MEIG1: variants seen among roughly 807,000 people sequenced by gnomAD.
MEIG1 encodes the protein meiosis/spermiogenesis associated 1.
Under a neutral mutation model 11.3 loss-of-function variants are expected in MEIG1, and 12 were observed. The observed-to-expected ratio is 1.07, with a 90% CI of 0.68 to 1.73. The LOEUF is 1.73. Among genes scored for constraint, MEIG1 ranks in the 40% most tolerant of loss-of-function variants. MEIG1 has a pLI of 0.00. For missense variants in MEIG1, 119 were observed against 104.9 expected (o/e 1.13, Z -0.59); for synonymous variants, 41 against 33.2 (o/e 1.24, Z -0.81).
At chr10:14,983,241 C>A (rs1353619570) in intron 1 of MEIG1, among the ~76,000 whole-genome samples, 2 of 152,054 alleles carry the variant, frequency 1.3e-5, no homozygotes, top group East Asian at 1.9e-4. Flanking sequence ...GGGTGTGCAT[C>A]CACCCGGTGA....
chr10:14,985,229 T>G (rs1454224084), intron 1 of MEIG1, among the ~76,000 whole-genome samples: 1 of 151,994 alleles, frequency 6.6e-6, no homozygotes, highest in Non-Finnish European at 1.5e-5. Flanking sequence ...TTCGTAATAT[T>G]CTAGGGAAAT....
At chr10:14,980,704 G>C (rs369039437) in intron 1 of MEIG1, among the ~76,000 whole-genome samples, 88 of 152,200 alleles carry the variant, frequency 5.8e-4, no homozygotes, top group African/African-American at 1.9e-3. Flanking sequence ...TGGAGGTCTC[G>C]AGCCAACGCC....
chr10:14,972,385 C>G, intron 2 of MEIG1, 128 bp from the exon 3 acceptor site: 1 of 1,235,262 alleles, frequency 8.1e-7, no homozygotes, highest in South Asian at 1.3e-5. Context: ...TTTAAAAGCT[C>G]AAGCATTCTA....
chr10:14,966,422 T>A lies in MEIG1; in HGVS notation c.-29-18T>A. The A allele has an allele frequency of 6.5e-7, 1 of 1,538,028 alleles. No individual in the cohort carries two copies. The highest frequency in any genetic ancestry group is 8.8e-7 in the Non-Finnish European group (1 of 1,139,644). On this transcript the variant is annotated intron_variant, in intron 1 of 2. Coordinates refer to ENST00000407572, the MANE Select transcript of MEIG1 (RefSeq NM_001080836.3). Reference sequence around the variant, plus strand: ...TCACTATTACATTATCCATTAATGTTGTTTTAACATCTTTCAGATATTATT... The same window carrying A: ...TCACTATTACATTATCCATTAATGTAGTTTTAACATCTTTCAGATATTATT...
upstream of MEIG1, among the ~76,000 whole-genome samples, chr10:14,956,472 C>G (rs1282662567): frequency 6.6e-6 from 1 of 151,974 alleles, no homozygotes; most frequent in Non-Finnish European, 1.5e-5. Flanking sequence ...ATCCCAGCTA[C>G]TCAGGAGGCT....
chr10:14,969,026 C>T (rs745880684), intron 2 of MEIG1, among the ~76,000 whole-genome samples: 1 of 151,886 alleles, frequency 6.6e-6, no homozygotes, highest in Non-Finnish European at 1.5e-5. Context: ...TGTAGTGAGC[C>T]GAGATCACGC....
At chr10:14,987,362 G>C in intron 2 of MEIG1, 2 of 783,130 alleles carry the variant, frequency 2.6e-6, no homozygotes, top group Non-Finnish European at 4.6e-6. Context: ...GGACAGCAAA[G>C]CGAGGACAGG....
chr10:14,986,553 T>C (rs1891331), intron 1 of MEIG1, among the ~76,000 whole-genome samples: 103,812 of 152,014 alleles, frequency 0.68, 37,235 homozygotes, highest in African/African-American at 0.92. Flanking sequence ...CCCCATCCCA[T>C]CCCTTTTCTT....
downstream of MEIG1, among the ~76,000 whole-genome samples, chr10:14,975,789 T>C (rs1347449100): frequency 6.6e-6 from 1 of 152,048 alleles, no homozygotes; most frequent in Non-Finnish European, 1.5e-5. Context: ...CAATATCGCA[T>C]GGGATGGACA....
upstream of MEIG1, among the ~76,000 whole-genome samples, chr10:14,955,723 C>T (rs928152799): frequency 6.6e-6 from 1 of 152,122 alleles, no homozygotes; most frequent in African/African-American, 2.4e-5. Context: ...AACAGAATGA[C>T]ATCCCTAGTG....
At chr10:14,976,329 C>A (rs1412199351), downstream of MEIG1, among the ~76,000 whole-genome samples, 2 of 151,306 alleles carry the variant, frequency 1.3e-5, no homozygotes, top group East Asian at 1.9e-4. Context: ...GTCACAGGAC[C>A]GTACACACTG....
intron 2 of MEIG1, among the ~76,000 whole-genome samples, chr10:14,970,049 G>A (rs1403938631): frequency 2.0e-5 from 3 of 152,200 alleles, no homozygotes; most frequent in Non-Finnish European, 4.4e-5. Flanking sequence ...AGTGTCCCCA[G>A]TGGCATTTGC....
chr10:14,987,945 T>A (rs1343241134), exon 3 of MEIG1: 1 of 153,154 alleles, frequency 6.5e-6, no homozygotes, highest in African/African-American at 2.4e-5. Flanking sequence ...AACCTTATAG[T>A]TCTCAATGGG....
At position 14,966,524 on chromosome 10, in the gene MEIG1, A is replaced by G. The variant is rs1442702679; in HGVS notation, c.56A>G (p.Glu19Gly). ...GTAAGTCATGCCAAAAAATGGTCAGAAGAGATAGAAAATCTGTACAGATTT... is the reference window on the plus strand; with the variant it reads ...GTAAGTCATGCCAAAAAATGGTCAGGAGAGATAGAAAATCTGTACAGATTT... The part of the protein sequence containing the change: ...KSVSHAKKWS[E>G]EIENLYRFQQ... The change falls in exon 2 of 3, where the codon GAA (glutamate) becomes GGA (glycine). Residue 19 changes from glutamate (E) to glycine (G), a missense_variant. Physicochemically the swap from Glu to Gly is moderately conservative, Grantham distance 98. Transcript: ENST00000407572. 4 of 1,613,100 alleles carry G rather than the reference A, an allele frequency of 2.5e-6. No individual in the cohort carries two copies. The highest frequency in any genetic ancestry group is 3.4e-6 in the Non-Finnish European group (4 of 1,179,544).
At chr10:14,983,840 G>T (rs1214503473) in intron 1 of MEIG1, among the ~76,000 whole-genome samples, 2 of 151,998 alleles carry the variant, frequency 1.3e-5, no homozygotes, top group African/African-American at 4.8e-5. Context: ...AGCACAGAAA[G>T]CGTGCACCAC....
chr10:14,962,613 C>T (rs1843027318), intron 1 of MEIG1, among the ~76,000 whole-genome samples: 1 of 151,962 alleles, frequency 6.6e-6, no homozygotes, highest in Non-Finnish European at 1.5e-5. Context: ...AAATACGTTT[C>T]GAATGAATAT....
chr10:14,961,728 C>T (rs1054873879), intron 1 of MEIG1, among the ~76,000 whole-genome samples: 2 of 150,196 alleles, frequency 1.3e-5, no homozygotes, highest in Admixed American at 1.3e-4. Context: ...GATCCACCTG[C>T]CTCGGCCTCC....
downstream of MEIG1, among the ~76,000 whole-genome samples, chr10:14,976,160 C>A (rs184703467): frequency 1.5e-3 from 221 of 152,256 alleles, no homozygotes; most frequent in Non-Finnish European, 2.3e-3. Context: ...CCGATTTTTC[C>A]TAGGATCTTT....
chr10:14,976,051 AC>A (rs1297560155), downstream of MEIG1, among the ~76,000 whole-genome samples: 2 of 151,934 alleles, frequency 1.3e-5, no homozygotes, highest in Non-Finnish European at 2.9e-5. Flanking sequence ...CCAGGGGGGG[AC>A]CGGGGGGTGA....
Sources: allele counts gnomAD v4.1 joint callset (sites outside exome capture counted in the v4.1 genomes callset), GRCh38; gene constraint gnomAD v4.1.1; transcripts MANE v1.5; gene names NCBI Gene and HGNC (gene_info 2026-07-23, HGNC 2026-07-21).